FBXO28: variants seen among roughly 807,000 people sequenced by gnomAD.
The protein encoded by FBXO28 is F-box protein 28.
Under a neutral mutation model 38.1 loss-of-function variants are expected in FBXO28, and 8 were observed. That is an observed-to-expected ratio of 0.21 (90% CI 0.12 to 0.38). The LOEUF is 0.38. FBXO28 is among the 10% of genes least tolerant of loss of function. FBXO28 has a pLI of 1.00. For missense variants in FBXO28, 345 were observed against 460.6 expected (o/e 0.75, Z 2.30); for synonymous variants, 168 against 173.8 (o/e 0.97, Z 0.26).
Position 224,158,926 on chromosome 1 carries a change from T to C in FBXO28, c.*1180T>C, listed in dbSNP as rs920370628. ...TCAAGCTTTCCTTACCCTACAACTT[T>C]AAACAAAAGCTTTAATTTTGTTTGC... On this transcript the variant is annotated 3_prime_UTR_variant, in exon 5 of 5. Transcript: ENST00000366862. The C allele has an allele frequency of 3.3e-5, 5 of 152,652 alleles. No individual in the cohort carries two copies. In the East Asian group the frequency reaches 9.6e-4, roughly 29 times the overall value. The allele number at this position is 152,652 out of a possible 1,614,324, so 9.5% of individuals were successfully genotyped here. A position where few individuals can be genotyped will look rare whatever the true frequency, so the allele number is the denominator to read the frequency against.
At chr1:224,121,649 T>C (rs1656781773) in intron 1 of FBXO28, among the ~76,000 whole-genome samples, 1 of 151,834 alleles carries the variant, frequency 6.6e-6, no homozygotes, top group Non-Finnish European at 1.5e-5. Context: ...GCCACCACAC[T>C]TGGGCAAATA....
chr1:224,137,807 C>G (rs1372432475), intron 3 of FBXO28, among the ~76,000 whole-genome samples: 1 of 151,824 alleles, frequency 6.6e-6, no homozygotes, highest in Non-Finnish European at 1.5e-5. Context: ...AAGAATGATT[C>G]AAACCTACAG....
intron 3 of FBXO28, among the ~76,000 whole-genome samples, chr1:224,148,127 G>A (rs1258014311): frequency 6.6e-6 from 1 of 151,948 alleles, no homozygotes; most frequent in African/African-American, 2.4e-5. Flanking sequence ...GGAAGACTGG[G>A]GCAAATGGAA....
At chr1:224,126,341 C>T (rs939865749) in intron 1 of FBXO28, among the ~76,000 whole-genome samples, 1 of 152,176 alleles carries the variant, frequency 6.6e-6, no homozygotes, top group Non-Finnish European at 1.5e-5. Flanking sequence ...AAAATTGTTA[C>T]AGCAGTAATT....
rs913920668 is a variant in FBXO28, at chr1:224,132,906, A to G, written c.378-1168A>G. Among the ~76,000 whole-genome samples the G allele has an allele frequency of 5.3e-5, 8 of 152,198 alleles. No individual in the cohort carries two copies. In the South Asian group the frequency reaches 1.0e-3, roughly 20 times the overall value. On this transcript the variant is annotated intron_variant, in intron 2 of 4. Coordinates refer to ENST00000366862, the MANE Select transcript of FBXO28 (RefSeq NM_015176.4). ...ATTCCTAGATAAGTACCCAAAAGAA[A>G]TGAAAACATAATGTTTGCACAAAAA... is the stretch of plus-strand genomic sequence containing the variant.
intron 1 of FBXO28, among the ~76,000 whole-genome samples, chr1:224,129,786 G>C (rs188122590): frequency 6.6e-6 from 1 of 152,072 alleles, no homozygotes; most frequent in African/African-American, 2.4e-5. Context: ...TCAGGAGATC[G>C]AGACCATCCT....
intron 2 of FBXO28, among the ~76,000 whole-genome samples, chr1:224,133,846 T>C (rs1000961611): frequency 2.3e-5 from 3 of 132,308 alleles, no homozygotes; most frequent in African/African-American, 8.3e-5. Flanking sequence ...TATATATATA[T>C]AATTTGTTTT....
intron 1 of FBXO28, among the ~76,000 whole-genome samples, chr1:224,119,562 A>T (rs981777014): frequency 1.3e-5 from 2 of 152,138 alleles, no homozygotes; most frequent in African/African-American, 4.8e-5. Context: ...AGTTCTCACA[A>T]AGTAAAGAGG....
intron 1 of FBXO28, among the ~76,000 whole-genome samples, chr1:224,117,021 A>T (rs952641355): frequency 2.6e-5 from 4 of 152,110 alleles, no homozygotes; most frequent in Admixed American, 6.6e-5. Context: ...AAAAATACAA[A>T]AATTAGCCAG....
chr1:224,143,167 C>T (rs1301949425), intron 3 of FBXO28, among the ~76,000 whole-genome samples: 1 of 142,558 alleles, frequency 7.0e-6, no homozygotes, highest in East Asian at 2.0e-4. Flanking sequence ...TGCAGTGAGC[C>T]AACATCGTGC....
chr1:224,115,100 AT>A (rs1163614026), intron 1 of FBXO28, among the ~76,000 whole-genome samples: 2 of 151,962 alleles, frequency 1.3e-5, no homozygotes, highest in Non-Finnish European at 2.9e-5. Context: ...TTTGCAATTT[AT>A]TTTTAACTAG....
rs963498776 is a variant in FBXO28 at position 224,136,877 on chromosome 1, A to G, written c.516+2665A>G. On this transcript the variant is annotated intron_variant, in intron 3 of 4. Transcript: ENST00000366862. ...GGCGATTCTCATGCCTCAGCCTCCC[A>G]AGTAGCTGAGACTACAGGTGCACAC... is the stretch of plus-strand genomic sequence containing the variant. 1.3e-4 allele frequency among the ~76,000 whole-genome samples: 19 copies of G among 151,350 alleles called. 2 individuals are homozygous for G. The highest frequency in any genetic ancestry group is 4.4e-4 in the African/African-American group (18 of 40,908).
intron 3 of FBXO28, among the ~76,000 whole-genome samples, chr1:224,138,385 A>G (rs1468658564): frequency 6.6e-6 from 1 of 151,864 alleles, no homozygotes; most frequent in Admixed American, 6.6e-5. Context: ...GCCGTGTGCA[A>G]TGTGTGGTAA....
rs746911613 is a variant in FBXO28 at position 224,157,578 on chromosome 1, A to C, written c.939A>C (p.Gln313His). The C allele has an allele frequency of 1.2e-6, 2 of 1,614,146 alleles. No individual in the cohort carries two copies. The highest frequency in any genetic ancestry group is 1.7e-5 in the Admixed American group (1 of 60,016). The stretch of plus-strand genomic sequence containing the variant: ...AGCAGACCCAGATCATAGGTGAACA[A>C]AATGCACGGTTGGCAGAGCTAGAAC... ...LLEQTQIIGE[Q>H]NARLAELERK... The change falls in exon 5 of 5, where the codon CAA (glutamine) becomes CAC (histidine). Residue 313 changes from glutamine to histidine, a missense_variant. Gln to His is a conservative substitution (Grantham distance 24). Around this residue, in one of 6 missense-constraint regions of FBXO28, gnomAD observed 151 missense variants for 188.3 expected, o/e 0.80. Transcript: ENST00000366862.
chr1:224,130,427 CTT>C lies in FBXO28; in HGVS notation c.268-44_268-43del, dbSNP rs754444992. On this transcript the variant is annotated intron_variant, in intron 1 of 4. Coordinates refer to ENST00000366862, the MANE Select transcript of FBXO28 (RefSeq NM_015176.4). ...CATCAGTTATGAGTCTCAGTTGTCT[CTT>C]ATTAATTTGGTTATTGATTTTTGTT... The C allele has an allele frequency of 2.0e-5, 25 of 1,279,562 alleles. No individual in the cohort carries two copies. The East Asian group carries it at 5.7e-4, about 29-fold the overall frequency. The allele number at this position is 1,279,562 out of a possible 1,614,324, so 79.3% of individuals were successfully genotyped here.
chr1:224,139,045 A>C (rs999679150), intron 3 of FBXO28, among the ~76,000 whole-genome samples: 1 of 151,724 alleles, frequency 6.6e-6, no homozygotes, highest in African/African-American at 2.4e-5. Flanking sequence ...AGCCTCCCAA[A>C]GTGCTGGGAT....
intron 3 of FBXO28, among the ~76,000 whole-genome samples, chr1:224,139,561 G>A (rs1237208302): frequency 6.6e-6 from 1 of 152,022 alleles, no homozygotes; most frequent in Non-Finnish European, 1.5e-5. Flanking sequence ...GGCCAACATG[G>A]TGAAACCCCG....
At chr1:224,154,796 T>C (rs1330643158) in intron 4 of FBXO28, among the ~76,000 whole-genome samples, 2 of 131,790 alleles carry the variant, frequency 1.5e-5, no homozygotes, top group East Asian at 2.2e-4. Context: ...TGGGTGACAG[T>C]GCGAGACTCC....
chr1:224,137,286 A>T (rs1180818657), intron 3 of FBXO28, among the ~76,000 whole-genome samples: 2 of 151,220 alleles, frequency 1.3e-5, no homozygotes, highest in South Asian at 2.1e-4. Context: ...GCACTTTGGG[A>T]GGCCAAGACG....
Sources: gnomAD v4.1 joint callset for allele counts (sites outside exome capture counted in the v4.1 genomes callset) on GRCh38, gnomAD v4.1.1 for gene constraint, gnomAD v4.1.1 regional missense constraint, MANE v1.5 for transcripts, NCBI Gene and HGNC (gene_info 2026-07-23, HGNC 2026-07-21) for gene names.